Variants in CHD9 observed in about 807,000 individuals in gnomAD.
CHD9 encodes chromodomain helicase DNA binding protein 9.
In CHD9, 77 loss-of-function variants were observed where a neutral mutation model predicts 316.1. The ratio of observed to expected loss-of-function variants is 0.24; its 90% CI spans 0.20 to 0.29. The LOEUF (loss-of-function observed/expected upper bound fraction) is 0.29, where lower values mean the gene tolerates loss of function less well. Among genes scored for constraint, CHD9 ranks in the 10% least tolerant of loss-of-function variants. The probability of loss-of-function intolerance (pLI) is 1.00; values close to 1 mark genes in which losing one functional copy is unlikely to be tolerated. For missense variants in CHD9, 2,763 were observed against 3,438.1 expected, an observed-to-expected ratio of 0.80 and a Z score of 4.91; for synonymous variants, 1,129 against 1,158.3, an observed-to-expected ratio of 0.97 and a Z score of 0.51.
In CHD9 at chr16:53,325,723, A is replaced by G. The variant is rs1402203961; in HGVS notation, c.*828A>G. 6.6e-6 allele frequency: 1 copy of G among 152,228 alleles called. No homozygotes were observed. The highest frequency in any genetic ancestry group is 1.9e-4 in the East Asian group (1 of 5,200). 9.4% of individuals were successfully genotyped at this position (152,228 alleles called of 1,614,324 possible). A position where few individuals can be genotyped will look rare whatever the true frequency, so the allele number is the denominator to read the frequency against. ...AAAGTTTGGCCTCCTATTAGAAATA[A>G]TCATGTCTCAGATGAGTAATGTCTG... On this transcript the variant is annotated 3_prime_UTR_variant, in exon 39 of 39. Coordinates refer to ENST00000447540, the MANE Select transcript of CHD9 (RefSeq NM_001308319.2).
At chr16:53,309,714 C>T (rs988031883) in intron 34 of CHD9, among the ~76,000 whole-genome samples, 1 of 152,130 alleles carries the variant, frequency 6.6e-6, no homozygotes, top group Admixed American at 6.6e-5. Flanking sequence ...ACGATCCTCC[C>T]ACCTGGCCTC....
chr16:53,232,488 T>G (rs1385710295), intron 10 of CHD9, among the ~76,000 whole-genome samples: 3 of 152,182 alleles, frequency 2.0e-5, no homozygotes, highest in African/African-American at 7.2e-5. Context: ...AATGTAAAAT[T>G]GATGACAACA....
chr16:53,142,582 C>T (rs914967009), intron 1 of CHD9, among the ~76,000 whole-genome samples: 1 of 152,226 alleles, frequency 6.6e-6, no homozygotes, highest in Non-Finnish European at 1.5e-5. Context: ...GCTGGGATTA[C>T]AGGCATGAGC....
chr16:53,235,973 GAATCATTTTT>G (rs376097783), intron 11 of CHD9, among the ~76,000 whole-genome samples: 55 of 152,206 alleles, frequency 3.6e-4, no homozygotes, highest in African/African-American at 1.3e-3. Context: ...CTTTTATTCA[GAATCATTTTT>G]AATCATTTTT....
chr16:53,255,839 A>G, intron 19 of CHD9, 60 bp downstream of exon 19: 1 of 1,439,002 alleles, frequency 6.9e-7, no homozygotes, highest in South Asian at 1.2e-5. Context: ...ACTACTGAGA[A>G]AGTTTAATTA....
At chr16:53,319,963 T>A in intron 37 of CHD9, 1 of 522,288 alleles carries the variant, frequency 1.9e-6, no homozygotes, top group Non-Finnish European at 2.6e-6. Context: ...TAAATATACT[T>A]ATTTCCTTAA....
intron 2 of CHD9, among the ~76,000 whole-genome samples, chr16:53,175,848 G>C (rs182966529): frequency 2.2e-4 from 33 of 152,242 alleles, no homozygotes; most frequent in Non-Finnish European, 3.1e-4. Flanking sequence ...ATCATCTACT[G>C]TTTTTACAGA....
intron 1 of CHD9, chr16:53,121,464 GTT>G (rs1303828885): frequency 2.2e-6 from 1 of 455,922 alleles, no homozygotes; most frequent in Non-Finnish European, 4.4e-6. Flanking sequence ...GCAGAACAGT[GTT>G]AAGATTTGAA....
At chr16:53,259,687 A>AT (rs921705163) in intron 19 of CHD9, among the ~76,000 whole-genome samples, 18 of 151,800 alleles carry the variant, frequency 1.2e-4, no homozygotes, top group African/African-American at 4.1e-4. Context: ...TAATTTTTTG[A>AT]TTTTTTAATA....
intron 2 of CHD9, among the ~76,000 whole-genome samples, chr16:53,178,728 G>T (rs949485181): frequency 4.6e-5 from 7 of 152,116 alleles, no homozygotes; most frequent in African/African-American, 1.4e-4. Flanking sequence ...CTCCCAAAGT[G>T]CTGGGATTAC....
At chr16:53,161,221 G>T (rs2041888513) in intron 2 of CHD9, among the ~76,000 whole-genome samples, 1 of 152,178 alleles carries the variant, frequency 6.6e-6, no homozygotes, top group Non-Finnish European at 1.5e-5. Context: ...GGATTATTAT[G>T]ATTATTGTAT....
intron 1 of CHD9, among the ~76,000 whole-genome samples, chr16:53,115,774 A>C (rs946994058): frequency 6.6e-6 from 1 of 152,228 alleles, no homozygotes; most frequent in Non-Finnish European, 1.5e-5. Flanking sequence ...TAGTGGATGG[A>C]GACAAAAAGT....
At chr16:53,322,433 C>T (rs975140384) in intron 38 of CHD9, among the ~76,000 whole-genome samples, 2 of 151,544 alleles carry the variant, frequency 1.3e-5, no homozygotes, top group African/African-American at 4.8e-5. Flanking sequence ...ACAGAGAAAC[C>T]CCGTCTCTAC....
intron 1 of CHD9, among the ~76,000 whole-genome samples, chr16:53,066,915 C>T (rs2033580916): frequency 6.6e-6 from 1 of 152,136 alleles, no homozygotes; most frequent in Non-Finnish European, 1.5e-5. Context: ...AGAATTCCCA[C>T]ATATTCCACA....
intron 24 of CHD9, among the ~76,000 whole-genome samples, chr16:53,278,445 A>G (rs933476503): frequency 2.6e-5 from 4 of 152,206 alleles, no homozygotes; most frequent in African/African-American, 9.6e-5. Context: ...GAGAACCAAG[A>G]AATAAAGCCA....
At chr16:53,317,302 A>G (rs1334900647) in intron 36 of CHD9, among the ~76,000 whole-genome samples, 1 of 152,158 alleles carries the variant, frequency 6.6e-6, no homozygotes, top group Non-Finnish European at 1.5e-5. Flanking sequence ...GGTGAATTGA[A>G]TAGGTTCAGG....
At chr16:53,078,854 A>G (rs2034777575) in intron 1 of CHD9, among the ~76,000 whole-genome samples, 1 of 152,176 alleles carries the variant, frequency 6.6e-6, no homozygotes, top group African/African-American at 2.4e-5. Context: ...TGCTTTGCCA[A>G]TTCAGAGAAA....
At chr16:53,068,555 C>T (rs1399057663) in intron 1 of CHD9, among the ~76,000 whole-genome samples, 1 of 152,188 alleles carries the variant, frequency 6.6e-6, no homozygotes, top group Non-Finnish European at 1.5e-5. Context: ...CTCTGTGACA[C>T]CACCCAAGAG....
chr16:53,216,224 A>G (rs2046752484), intron 3 of CHD9, among the ~76,000 whole-genome samples: 1 of 152,196 alleles, frequency 6.6e-6, no homozygotes, highest in Non-Finnish European at 1.5e-5. Flanking sequence ...CCATGATGGA[A>G]GAATGGAGTG....
Sources: allele counts gnomAD v4.1 joint callset (sites outside exome capture counted in the v4.1 genomes callset), GRCh38; gene constraint gnomAD v4.1.1; transcripts MANE v1.5; gene names NCBI Gene and HGNC (gene_info 2026-07-23, HGNC 2026-07-21).